LSM14A: variants seen among roughly 807,000 people sequenced by gnomAD.
LSM14A encodes LSM14A mRNA processing body assembly factor.
In LSM14A, 14 loss-of-function variants were observed where a neutral mutation model predicts 52.4. The ratio of observed to expected loss-of-function variants is 0.27; its 90% CI spans 0.18 to 0.42. LSM14A has a LOEUF of 0.42. LSM14A is among the 10% of genes least tolerant of loss of function. LSM14A has a pLI of 1.00. For missense variants in LSM14A, 417 were observed against 581.8 expected (o/e 0.72, Z 2.91); for synonymous variants, 185 against 200.3 (o/e 0.92, Z 0.64).
rs367581303 is a variant in LSM14A, at chr19:34,211,721, C to T, written c.538+2670C>T. 4.3e-4 allele frequency among the ~76,000 whole-genome samples: 65 copies of T among 150,214 alleles called. No homozygotes were observed. The South Asian group carries it at 4.4e-3, about 10-fold the overall frequency. On this transcript the variant is annotated intron_variant, in intron 4 of 9. Transcript: ENST00000544216. ...GGAGGATCACTTGAGCCCAGGAGGC[C>T]GAGGCTGCAGTGAGCCCTAACTGCA...
In LSM14A at chr19:34,229,105, CTG is replaced by C. The variant is rs1249977110; in HGVS notation, c.*1719_*1720del. The C allele has an allele frequency of 5.3e-5, 8 of 152,208 alleles. No individual in the cohort carries two copies. The highest frequency in any genetic ancestry group is 1.9e-4 in the African/African-American group (8 of 41,446). 9.4% of individuals were successfully genotyped at this position (152,208 alleles called of 1,614,324 possible). On this transcript the variant is annotated 3_prime_UTR_variant, in exon 10 of 10. Coordinates refer to ENST00000544216, the MANE Select transcript of LSM14A (RefSeq NM_015578.4). ...CCCGGGCCAATTTCAAGAAAGAAAA[CTG>C]TAAATACTAGTTCTACTTGCTCTGA...
chr19:34,219,627 A>G (rs2297521), intron 7 of LSM14A, 54 bp downstream of exon 7: 941,517 of 1,565,844 alleles, frequency 0.6, 290,753 homozygotes, highest in African/African-American at 0.77. Flanking sequence ...TGTGAATTAC[A>G]GATGTTTCTC....
chr19:34,173,821 G>A (rs2068886874), intron 1 of LSM14A, among the ~76,000 whole-genome samples: 1 of 149,044 alleles, frequency 6.7e-6, no homozygotes, highest in Admixed American at 6.9e-5. Context: ...TAGGTCCAAG[G>A]ATAAAGAAGA....
chr19:34,198,230 C>A (rs1293763673), intron 3 of LSM14A, among the ~76,000 whole-genome samples: 1 of 152,140 alleles, frequency 6.6e-6, no homozygotes, highest in Non-Finnish European at 1.5e-5. Flanking sequence ...TAAATTCCTT[C>A]CTGTGAATAT....
intron 1 of LSM14A, among the ~76,000 whole-genome samples, chr19:34,185,461 G>T (rs1026745246): frequency 3.3e-5 from 5 of 152,194 alleles, no homozygotes; most frequent in Non-Finnish European, 7.3e-5. Flanking sequence ...GAAGGGGCCA[G>T]AGAAGAGAGT....
chr19:34,188,406 T>C (rs1599669960), intron 1 of LSM14A, among the ~76,000 whole-genome samples: 2 of 152,332 alleles, frequency 1.3e-5, no homozygotes, highest in East Asian at 3.9e-4. Context: ...TCATTCTCTG[T>C]ATTCTCTTGT....
intron 1 of LSM14A, among the ~76,000 whole-genome samples, chr19:34,175,257 G>C (rs368827293): frequency 1.3e-5 from 2 of 149,248 alleles, no homozygotes; most frequent in East Asian, 3.9e-4. Context: ...TTGAGATGGC[G>C]TCTCACTCTG....
At chr19:34,180,662 C>T (rs1201110539) in intron 1 of LSM14A, among the ~76,000 whole-genome samples, 2 of 152,060 alleles carry the variant, frequency 1.3e-5, no homozygotes, top group Non-Finnish European at 2.9e-5. Flanking sequence ...TCCTCTCATT[C>T]CCCTCATAAC....
In LSM14A at chr19:34,228,034, CT is replaced by C. The variant is rs1286439533; in HGVS notation, c.*649del. 6.6e-6 allele frequency: 1 copy of C among 152,466 alleles called. No individual in the cohort carries two copies. Among genetic ancestry groups the C allele is most frequent in the East Asian group, 1.9e-4 (1 of 5,198 alleles). The allele number at this position is 152,466 out of a possible 1,614,324, so 9.4% of individuals were successfully genotyped here. ...TCCATTGCCAAAGAAACATTAAGAA[CT>C]TTGTATAGCTGTATAAAAAGCAACT... On this transcript the variant is annotated 3_prime_UTR_variant, in exon 10 of 10. Transcript: ENST00000544216.
rs71165635 is a variant in LSM14A, at chr19:34,227,790, T to TTG, written c.*440_*441dup. The TTG allele has an allele frequency of 0.21, 32,472 of 152,258 alleles. 3,914 individuals carry two copies. Among genetic ancestry groups the TTG allele is most frequent in the Non-Finnish European group, 0.25 (18,305 of 74,044 alleles). The allele number at this position is 152,258 out of a possible 1,614,324, so 9.4% of individuals were successfully genotyped here. The stretch of plus-strand genomic sequence containing the variant: ...ATACTGTGTTTTGAGCCACAGAAGG[T>TTG]TGTGTGTGTGTGTGTGTGTGTGTGT... On this transcript the variant is annotated 3_prime_UTR_variant, in exon 10 of 10. Coordinates refer to ENST00000544216, the MANE Select transcript of LSM14A (RefSeq NM_015578.4).
chr19:34,177,205 CAG>C (rs1387591804), intron 1 of LSM14A, among the ~76,000 whole-genome samples: 2 of 152,128 alleles, frequency 1.3e-5, no homozygotes, highest in East Asian at 3.8e-4. Context: ...TTTAAATTAA[CAG>C]AAGTTCTTCA....
chr19:34,197,461 CAG>C, intron 3 of LSM14A, among the ~76,000 whole-genome samples: 1 of 101,928 alleles, frequency 9.8e-6, no homozygotes, highest in Non-Finnish European at 1.8e-5. Flanking sequence ...TTTTCTGAGG[CAG>C]AGTCTTGCTC....
chr19:34,227,723 A>G lies in LSM14A; in HGVS notation c.*335A>G, dbSNP rs1295675484. ...AAAGGTTTTTTTTTTTTATCACTAAATTGTATTTGGCAATTGCAAGTTGCC... is the reference window on the plus strand; with the variant it reads ...AAAGGTTTTTTTTTTTTATCACTAAGTTGTATTTGGCAATTGCAAGTTGCC... On this transcript the variant is annotated 3_prime_UTR_variant, in exon 10 of 10. Transcript: ENST00000544216. The G allele has an allele frequency of 8.1e-6, 2 of 247,230 alleles. No individual in the cohort carries two copies. Among genetic ancestry groups the G allele is most frequent in the Non-Finnish European group, 1.5e-5 (2 of 131,522 alleles). 15.3% of individuals were successfully genotyped at this position (247,230 alleles called of 1,614,324 possible).
chr19:34,218,052 G>T (rs2072791837), intron 6 of LSM14A, among the ~76,000 whole-genome samples: 1 of 146,974 alleles, frequency 6.8e-6, no homozygotes, highest in Admixed American at 6.8e-5. Context: ...CACCCAGGCT[G>T]GAGTGTAGTG....
chr19:34,212,544 T>C (rs547367549), intron 4 of LSM14A, among the ~76,000 whole-genome samples: 2 of 152,342 alleles, frequency 1.3e-5, no homozygotes, highest in East Asian at 1.9e-4. Context: ...CATAAAGTTA[T>C]GACAAATGAC....
intron 1 of LSM14A, among the ~76,000 whole-genome samples, chr19:34,182,862 A>C (rs2069594286): frequency 6.8e-6 from 1 of 146,144 alleles, no homozygotes. Flanking sequence ...AAAAAGAGTC[A>C]ACTCTCTTTA....
chr19:34,181,375 A>G (rs1207185008), intron 1 of LSM14A, among the ~76,000 whole-genome samples: 1 of 152,170 alleles, frequency 6.6e-6, no homozygotes, highest in Non-Finnish European at 1.5e-5. Flanking sequence ...CCCTTGAAGA[A>G]GTTGTCTACA....
At chr19:34,180,046 A>G (rs974569238) in intron 1 of LSM14A, among the ~76,000 whole-genome samples, 2 of 152,138 alleles carry the variant, frequency 1.3e-5, no homozygotes, top group Non-Finnish European at 2.9e-5. Context: ...CAGCCTCCCA[A>G]GTAGCTGGGA....
In LSM14A at chr19:34,228,554, C is replaced by T. The variant is rs1277617428; in HGVS notation, c.*1166C>T. On this transcript the variant is annotated 3_prime_UTR_variant, in exon 10 of 10. Coordinates refer to ENST00000544216, the MANE Select transcript of LSM14A (RefSeq NM_015578.4). ...TGGTAGCCTGTAACACACGGCAACA[C>T]TGGTCCTTGGGCCTATGATGACCCA... 1 of 137,710 alleles carries T rather than the reference C, an allele frequency of 7.3e-6. No homozygotes were observed. The allele number at this position is 137,710 out of a possible 1,614,324, so 8.5% of individuals were successfully genotyped here.
Sources: gnomAD v4.1 joint callset for allele counts (sites outside exome capture counted in the v4.1 genomes callset) on GRCh38, gnomAD v4.1.1 for gene constraint, MANE v1.5 for transcripts, NCBI Gene and HGNC (gene_info 2026-07-23, HGNC 2026-07-21) for gene names.